NHSL2: variants seen among roughly 807,000 people sequenced by gnomAD.
NHSL2 encodes NHS like 2.
In NHSL2, 27 loss-of-function variants were observed where a neutral mutation model predicts 53.4. The ratio of observed to expected loss-of-function variants is 0.51; its 90% CI spans 0.37 to 0.70. The LOEUF is 0.70. Among genes scored for constraint, NHSL2 ranks in the 30% least tolerant of loss-of-function variants. The pLI, the probability that NHSL2 is intolerant of heterozygous loss-of-function variation, is 0.00. For synonymous variants in NHSL2, 408 were observed against 404.1 expected (o/e 1.01, Z -0.12); for missense variants, 892 against 980.1 (o/e 0.91, Z 1.20).
At chrX:72,115,261 A>G (rs1469393160) in intron 1 of NHSL2, among the ~76,000 whole-genome samples, 1 of 110,184 alleles carries the variant, frequency 9.1e-6, no homozygotes, top group African/African-American at 3.3e-5. Context: ...ATGTCCGGCA[A>G]TCAATTTTCA....
chrX:71,930,973 A>C (rs2041710050), intron 1 of NHSL2, among the ~76,000 whole-genome samples: 1 of 112,408 alleles, frequency 8.9e-6, no homozygotes. Context: ...AGGAACTGCC[A>C]GACTGTTTTC....
At chrX:71,911,903 A>T (rs2041605417) in intron 1 of NHSL2, among the ~76,000 whole-genome samples, 1 of 111,673 alleles carries the variant, frequency 9.0e-6, no homozygotes, top group Non-Finnish European at 1.9e-5. Flanking sequence ...TGGAGCGTGG[A>T]CGCGGCTCCC....
chrX:72,062,654 G>A (rs1009042752), intron 1 of NHSL2, among the ~76,000 whole-genome samples: 3 of 112,315 alleles, frequency 2.7e-5, no homozygotes, highest in African/African-American at 3.2e-5. Context: ...CATTACAGGC[G>A]TGTGCATTTC....
At chrX:72,067,132 G>C (rs1392075261) in intron 1 of NHSL2, among the ~76,000 whole-genome samples, 3 of 111,236 alleles carry the variant, frequency 2.7e-5, no homozygotes. Context: ...GACAGAGCAA[G>C]ACCCTGTCTC....
In NHSL2 at chrX:72,139,040, T is replaced by G. The variant is rs751593684; in HGVS notation, c.1492T>G (p.Ser498Ala). ...PGGASRFRER[S>A]LSVPTDSGTT... ...TGGGGCCAGCAGATTCCGGGAGCGG[T>G]CACTGTCTGTGCCCACAGACTCAGG... Residue 498 changes from serine to alanine, a missense_variant, in exon 6 of 8, where the codon TCA (serine) becomes GCA (alanine). By Grantham distance (99) the Ser-to-Ala change is moderately conservative. Coordinates refer to ENST00000633930, the MANE Select transcript of NHSL2 (RefSeq NM_001013627.3). 9 of 1,170,204 alleles carry G rather than the reference T, an allele frequency of 7.7e-6. No homozygotes were observed. The Admixed American group carries it at 2.3e-4, about 30-fold the overall frequency.
intron 1 of NHSL2, among the ~76,000 whole-genome samples, chrX:71,937,882 G>A (rs765824376): frequency 2.7e-5 from 3 of 112,102 alleles, no homozygotes; most frequent in East Asian, 2.8e-4. Context: ...TTACAGCTCC[G>A]GTGATCAGAG....
In NHSL2 at chrX:72,139,765, C is replaced by T. The variant is rs2042396228; in HGVS notation, c.2217C>T (p.Ser739=). ...SLTLGHLPPP[S]SSVRVRPVVP... ...CCCTGGGCCACTTACCCCCTCCAAG[C>T]AGCAGTGTCCGGGTACGTCCAGTGG... Residue 739 remains serine, a synonymous_variant, in exon 6 of 8, where the codon AGC becomes AGT. Coordinates refer to ENST00000633930, the MANE Select transcript of NHSL2 (RefSeq NM_001013627.3). The T allele has an allele frequency of 1.6e-5, 19 of 1,211,046 alleles. No individual in the cohort carries two copies. The highest frequency in any genetic ancestry group is 2.0e-5 in the Non-Finnish European group (18 of 895,060).
Position 72,138,568 on chromosome X carries a change from C to G in NHSL2, c.1020C>G (p.Leu340=). Reference sequence around the variant, plus strand: ...GTCAGGATGCTCGGTTCCCAAGTCTCACCTCGCCAGTACTGAGAACTCCTT... The same window carrying G: ...GTCAGGATGCTCGGTTCCCAAGTCTGACCTCGCCAGTACTGAGAACTCCTT... ...AVGQDARFPS[L]TSPVLRTPSS... The change falls in exon 6 of 8, where the codon CTC becomes CTG. Residue 340 remains leucine (L), a synonymous_variant. Transcript: ENST00000633930. 1 of 1,167,603 alleles carries G rather than the reference C, an allele frequency of 8.6e-7. No homozygotes were observed. Among genetic ancestry groups the G allele is most frequent in the Non-Finnish European group, 1.1e-6 (1 of 872,784 alleles).
chrX:72,108,122 G>C (rs776724874), intron 1 of NHSL2, among the ~76,000 whole-genome samples: 19 of 111,820 alleles, frequency 1.7e-4, no homozygotes, highest in Non-Finnish European at 3.2e-4. Context: ...TTGAGAGGGA[G>C]TTAGGAGGTC....
At chrX:71,927,313 CA>C (rs1454489717) in intron 1 of NHSL2, among the ~76,000 whole-genome samples, 2 of 111,768 alleles carry the variant, frequency 1.8e-5, no homozygotes, top group Non-Finnish European at 3.8e-5. Context: ...GAACAAGAAC[CA>C]AAAATGTGCC....
chrX:71,983,514 G>A (rs923306620), intron 1 of NHSL2, among the ~76,000 whole-genome samples: 21 of 109,694 alleles, frequency 1.9e-4, no homozygotes, highest in African/African-American at 7.0e-4. Flanking sequence ...TGGAGGCTGA[G>A]GTGTGGAGAT....
At chrX:72,115,805 C>T (rs1452410346) in intron 1 of NHSL2, among the ~76,000 whole-genome samples, 2 of 111,534 alleles carry the variant, frequency 1.8e-5, no homozygotes, top group African/African-American at 6.5e-5. Flanking sequence ...CCAGGTATCT[C>T]TAACATGTGA....
chrX:72,055,378 A>G (rs954225630), intron 1 of NHSL2, among the ~76,000 whole-genome samples: 13 of 112,441 alleles, frequency 1.2e-4, no homozygotes, highest in Non-Finnish European at 2.3e-4. Flanking sequence ...GCTTTGACGC[A>G]TGTAGCCCAG....
At chrX:71,936,733 G>A (rs1257085891) in intron 1 of NHSL2, among the ~76,000 whole-genome samples, 2 of 111,728 alleles carry the variant, frequency 1.8e-5, no homozygotes, top group Non-Finnish European at 3.8e-5. Flanking sequence ...GATGATGGTG[G>A]TGTGTGTGTG....
At chrX:72,134,771 C>A in intron 4 of NHSL2, 67 bp downstream of exon 4, 1 of 809,536 alleles carries the variant, frequency 1.2e-6, no homozygotes, top group Non-Finnish European at 1.8e-6. Flanking sequence ...CTCTTTGATG[C>A]ACTGGGTATT....
chrX:71,911,757 G>A (rs1471335207), intron 1 of NHSL2, among the ~76,000 whole-genome samples: 1 of 112,983 alleles, frequency 8.9e-6, no homozygotes, highest in Non-Finnish European at 1.9e-5. Flanking sequence ...GGAGCTAAAT[G>A]GCCGAGCCGC....
In NHSL2 at chrX:72,140,672, G is replaced by A; in HGVS notation, c.3124G>A (p.Asp1042Asn). The change falls in exon 6 of 8, where the codon GAC becomes AAC. Residue 1042 changes from aspartate (D) to asparagine (N), a missense_variant. Coordinates refer to ENST00000633930, the MANE Select transcript of NHSL2 (RefSeq NM_001013627.3). ...CAGCCCCATCATCACCCTGGAGGAA[G>A]ACACCAAGTGTCCCGCCACCGGCGA... is the stretch of plus-strand genomic sequence containing the variant. ...PLSPIITLEE[D>N]TKCPATGDDL... The A allele has an allele frequency of 8.3e-7, 1 of 1,211,001 alleles. No individual in the cohort carries two copies. The highest frequency in any genetic ancestry group is 1.8e-5 in the South Asian group (1 of 56,919).
rs769512013 is a variant in NHSL2 at position 72,084,796 on chromosome X, G to C, written c.281-47283G>C. Among the ~76,000 whole-genome samples the C allele has an allele frequency of 1.4e-4, 16 of 112,023 alleles. No homozygotes were observed. In the East Asian group the frequency reaches 3.4e-3, roughly 24 times the overall value. On this transcript the variant is annotated intron_variant, in intron 1 of 7. Transcript: ENST00000633930. ...GGAGAGAACAGTGGTTTGGAGGGCA[G>C]AGTGTGGCTATCAAGAGCTGGCAGC...
Position 72,094,071 on chromosome X carries a change from C to G in NHSL2, c.281-38008C>G, listed in dbSNP as rs145869819. Among the ~76,000 whole-genome samples, 5 of 111,422 alleles carry G rather than the reference C, an allele frequency of 4.5e-5. 1 individual carries two copies. In the Admixed American group the frequency reaches 4.8e-4, roughly 11 times the overall value. On this transcript the variant is annotated intron_variant, in intron 1 of 7. Transcript: ENST00000633930. ...TGCTGGGATTACCGGTGTGAGCCACCGTGCCCAGCCCTAGTATAGCTTTAT... is the reference window on the plus strand; with the variant it reads ...TGCTGGGATTACCGGTGTGAGCCACGGTGCCCAGCCCTAGTATAGCTTTAT...
Sources: allele counts gnomAD v4.1 joint callset (sites outside exome capture counted in the v4.1 genomes callset), GRCh38; gene constraint gnomAD v4.1.1; transcripts MANE v1.5; gene names NCBI Gene and HGNC (gene_info 2026-07-23, HGNC 2026-07-21).